The following ZNF766 variants were observed in gnomAD, a reference collection of about 807,000 sequenced individuals.
ZNF766 encodes zinc finger protein 766.
A neutral mutation model predicts 13.2 loss-of-function variants in ZNF766; 13 were observed. That is an observed-to-expected ratio of 0.98 (90% CI 0.64 to 1.56). The LOEUF is 1.56. Among genes scored for constraint, ZNF766 ranks in the 40% most tolerant of loss-of-function variants. The pLI is 0.00. For synonymous variants in ZNF766, 178 were observed against 187.6 expected, an observed-to-expected ratio of 0.95 and a Z score of 0.42; for missense variants, 521 against 552.2, an observed-to-expected ratio of 0.94 and a Z score of 0.57.
intron 1 of ZNF766, among the ~76,000 whole-genome samples, chr19:52,271,773 A>G (rs1198298514): frequency 1.3e-5 from 2 of 152,208 alleles, no homozygotes; most frequent in Non-Finnish European, 2.9e-5. Flanking sequence ...CAGCCTGGCC[A>G]GCACGGTGAA....
chr19:52,283,894 C>T (rs766091532), intron 3 of ZNF766, among the ~76,000 whole-genome samples: 9 of 152,140 alleles, frequency 5.9e-5, no homozygotes, highest in Non-Finnish European at 1.0e-4. Flanking sequence ...TGCGCCACCA[C>T]GCCCAGCTAA....
At chr19:52,270,983 C>T (rs867613931) in intron 1 of ZNF766, among the ~76,000 whole-genome samples, 2 of 152,220 alleles carry the variant, frequency 1.3e-5, no homozygotes, top group Middle Eastern at 3.4e-3. Flanking sequence ...AGGGTTTCAC[C>T]GTGTTGGCCT....
intron 3 of ZNF766, among the ~76,000 whole-genome samples, chr19:52,288,831 A>G (rs1370447764): frequency 6.7e-6 from 1 of 148,306 alleles, no homozygotes; most frequent in Non-Finnish European, 1.5e-5. Context: ...CTTTTATTTT[A>G]TTTTTATTTA....
chr19:52,280,644 G>A (rs938809475), intron 1 of ZNF766, among the ~76,000 whole-genome samples: 27 of 151,920 alleles, frequency 1.8e-4, no homozygotes, highest in African/African-American at 5.3e-4. Context: ...GTGCAGTGGC[G>A]TGATCTCAGC....
rs760955534 is a variant in ZNF766 at position 52,281,897 on chromosome 19, A to G, written c.19-214A>G. 3 of 595,188 alleles carry G rather than the reference A, an allele frequency of 5.0e-6. No individual in the cohort carries two copies. In the African/African-American group the frequency reaches 5.7e-5, roughly 11 times the overall value. The allele number at this position is 595,188 out of a possible 1,614,324, so 36.9% of individuals were successfully genotyped here. On this transcript the variant is annotated intron_variant, in intron 1 of 3. Coordinates refer to ENST00000439461, the MANE Select transcript of ZNF766 (RefSeq NM_001010851.3). ...CAGGTAGATATTGAATGAAAAATCT[A>G]CACTAGTTTAAAGAATATCATAACT...
chr19:52,273,846 C>A (rs540745637), intron 1 of ZNF766, among the ~76,000 whole-genome samples: 1 of 152,208 alleles, frequency 6.6e-6, no homozygotes, highest in Admixed American at 6.5e-5. Flanking sequence ...GAGTGGAGCT[C>A]ACCCCTGTTT....
At chr19:52,277,122 T>TA in intron 1 of ZNF766, 10 of 1,030,028 alleles carry the variant, frequency 9.7e-6, no homozygotes, top group Non-Finnish European at 1.2e-5. Flanking sequence ...ATGTTGATTC[T>TA]AAACCCTAAA....
Position 52,290,526 on chromosome 19 carries a change from TAA to T in ZNF766, c.737_738del (p.Lys246ArgfsTer28). On this transcript the variant is annotated frameshift_variant, in exon 4 of 4. Coordinates refer to ENST00000439461, the MANE Select transcript of ZNF766 (RefSeq NM_001010851.3). LOFTEE classifies it low-confidence loss of function (END_TRUNC). ...GTACAGGAGAGAAACCTTACAAATG[TAA>T]AGAGTGTGGCAAGCTCTTCAATCGA... is the stretch of plus-strand genomic sequence containing the variant. ...IRTGEKPYKC[K>X]ECGKLFNRIA... is the part of the protein sequence containing the mutation. 2.5e-6 allele frequency: 4 copies of T among 1,614,132 alleles called. No individual in the cohort carries two copies. The highest frequency in any genetic ancestry group is 2.2e-5 in the East Asian group (1 of 44,884).
Position 52,292,243 on chromosome 19 carries a change from G to A in ZNF766, c.*1045G>A. On this transcript the variant is annotated 3_prime_UTR_variant, in exon 4 of 4. Coordinates refer to ENST00000439461, the MANE Select transcript of ZNF766 (RefSeq NM_001010851.3). ...CTATCCAGTTTCCTGGAGGAATAAGGACACTGCCTTTTCAGATTAAAGATT... is the reference window on the plus strand; with the variant it reads ...CTATCCAGTTTCCTGGAGGAATAAGAACACTGCCTTTTCAGATTAAAGATT... The A allele has an allele frequency of 1.4e-6, 1 of 696,062 alleles. No homozygotes were observed. The highest frequency in any genetic ancestry group is 1.5e-5 in the South Asian group (1 of 66,178). The allele number at this position is 696,062 out of a possible 1,614,324, so 43.1% of individuals were successfully genotyped here.
At chr19:52,278,201 G>A (rs1025010797) in intron 1 of ZNF766, among the ~76,000 whole-genome samples, 2 of 152,072 alleles carry the variant, frequency 1.3e-5, no homozygotes, top group South Asian at 2.1e-4. Flanking sequence ...CTCCCAAAGT[G>A]TTGGGATTAC....
At chr19:52,272,797 G>C (rs79915995) in intron 1 of ZNF766, among the ~76,000 whole-genome samples, 1 of 152,106 alleles carries the variant, frequency 6.6e-6, no homozygotes, top group East Asian at 1.9e-4. Flanking sequence ...CCTCTGCCCT[G>C]AGGTCTAGAA....
Position 52,294,764 on chromosome 19 carries a change from A to G in ZNF766, c.*3566A>G, listed in dbSNP as rs892422140. 2 of 151,802 alleles carry G rather than the reference A, an allele frequency of 1.3e-5. No homozygotes were observed. The highest frequency in any genetic ancestry group is 4.8e-5 in the African/African-American group (2 of 41,346). The allele number at this position is 151,802 out of a possible 1,614,324, so 9.4% of individuals were successfully genotyped here. The stretch of plus-strand genomic sequence containing the variant: ...TCTGGAAGCTCCTGCCATCTTGGTT[A>G]GGAAAGACTCTGATTTTCTTCATGA... On this transcript the variant is annotated 3_prime_UTR_variant, in exon 4 of 4. Transcript: ENST00000439461.
Position 52,290,814 on chromosome 19 carries a change from C to A in ZNF766, c.1023C>A (p.Ser341Arg). 1.2e-6 allele frequency: 2 copies of A among 1,613,936 alleles called. No homozygotes were observed. The highest frequency in any genetic ancestry group is 1.7e-6 in the Non-Finnish European group (2 of 1,179,908). The change falls in exon 4 of 4, where the codon AGC becomes AGA. Residue 341 changes from serine (S) to arginine (R), a missense_variant. Coordinates refer to ENST00000439461, the MANE Select transcript of ZNF766 (RefSeq NM_001010851.3). ...KCGKEFSGHS[S>R]LTTHLLIHTG... ...GCAAAGAATTTAGTGGGCATTCAAGCCTCACCACCCATCTGTTAATCCACA... is the reference window on the plus strand; with the variant it reads ...GCAAAGAATTTAGTGGGCATTCAAGACTCACCACCCATCTGTTAATCCACA...
At chr19:52,272,824 C>T (rs1428823645) in intron 1 of ZNF766, among the ~76,000 whole-genome samples, 4 of 152,062 alleles carry the variant, frequency 2.6e-5, no homozygotes, top group African/African-American at 9.7e-5. Context: ...GTTCAGTTGT[C>T]CCCTCACTTC....
At chr19:52,278,180 C>T (rs754001731) in intron 1 of ZNF766, among the ~76,000 whole-genome samples, 3 of 152,058 alleles carry the variant, frequency 2.0e-5, no homozygotes, top group Non-Finnish European at 4.4e-5. Context: ...ACCATCTCCA[C>T]CCACCTCAGC....
chr19:52,270,578 G>C (rs556028396), intron 1 of ZNF766, among the ~76,000 whole-genome samples: 2 of 152,038 alleles, frequency 1.3e-5, no homozygotes, highest in African/African-American at 4.8e-5. Context: ...GGGGGCAGCC[G>C]GTGACAAGGA....
rs368003778 is a variant in ZNF766, at chr19:52,291,237, C to T, written c.*39C>T. On this transcript the variant is annotated 3_prime_UTR_variant, in exon 4 of 4. Coordinates refer to ENST00000439461, the MANE Select transcript of ZNF766 (RefSeq NM_001010851.3). ...TATCATAAGTTCTAGCAGTAATCAACATCCGAGAGTCTATACTAGAAAGAA... is the reference window on the plus strand; with the variant it reads ...TATCATAAGTTCTAGCAGTAATCAATATCCGAGAGTCTATACTAGAAAGAA... 6.6e-7 allele frequency: 1 copy of T among 1,516,934 alleles called. No homozygotes were observed. Among genetic ancestry groups the T allele is most frequent in the African/African-American group, 1.4e-5 (1 of 71,840 alleles). The allele number at this position is 1,516,934 out of a possible 1,614,324, so 94.0% of individuals were successfully genotyped here.
At chr19:52,273,165 C>G (rs573658856) in intron 1 of ZNF766, among the ~76,000 whole-genome samples, 1 of 152,020 alleles carries the variant, frequency 6.6e-6, no homozygotes, top group Non-Finnish European at 1.5e-5. Flanking sequence ...TGCACCATCA[C>G]GCCCAACTAA....
rs1262453880 is a variant in ZNF766, at chr19:52,294,985, A to G, written c.*3787A>G. On this transcript the variant is annotated 3_prime_UTR_variant, in exon 4 of 4. Coordinates refer to ENST00000439461, the MANE Select transcript of ZNF766 (RefSeq NM_001010851.3). ...TTAAAATATATTTGTTATAAATATGATATTACTAGAAGAGCATTTTTCCAA... is the reference window on the plus strand; with the variant it reads ...TTAAAATATATTTGTTATAAATATGGTATTACTAGAAGAGCATTTTTCCAA... 1 of 151,196 alleles carries G rather than the reference A, an allele frequency of 6.6e-6. No individual in the cohort carries two copies. Among genetic ancestry groups the G allele is most frequent in the East Asian group, 1.9e-4 (1 of 5,170 alleles). 9.4% of individuals were successfully genotyped at this position (151,196 alleles called of 1,614,324 possible).
Sources: gnomAD v4.1 joint callset for allele counts (sites outside exome capture counted in the v4.1 genomes callset) on GRCh38, gnomAD v4.1.1 for gene constraint, MANE v1.5 for transcripts, NCBI Gene and HGNC (gene_info 2026-07-23, HGNC 2026-07-21) for gene names.